NALCN: variants seen among roughly 807,000 people sequenced by gnomAD.
NALCN encodes sodium leak channel, non-selective, also known as sodium leak channel NALCN.
Under a neutral mutation model 225.3 loss-of-function variants are expected in NALCN, and 111 were observed. The ratio of observed to expected loss-of-function variants is 0.49; its 90% CI spans 0.42 to 0.58. The LOEUF (loss-of-function observed/expected upper bound fraction) is 0.58, where lower values mean the gene tolerates loss of function less well. Among genes scored for constraint, NALCN ranks in the 20% least tolerant of loss-of-function variants. The pLI is 0.00. For missense variants in NALCN, 1,378 were observed against 2,202.4 expected (o/e 0.63, Z 7.49); for synonymous variants, 764 against 769.0 (o/e 0.99, Z 0.11).
At chr13:101,307,421 T>TA (rs2044189622) in intron 7 of NALCN, among the ~76,000 whole-genome samples, 1 of 152,182 alleles carries the variant, frequency 6.6e-6, no homozygotes, top group African/African-American at 2.4e-5. Flanking sequence ...TTATCACTCT[T>TA]ACATTAAAAA....
intron 30 of NALCN, among the ~76,000 whole-genome samples, chr13:101,086,665 T>A (rs2033947525): frequency 2.0e-5 from 3 of 152,100 alleles, no homozygotes; most frequent in Admixed American, 1.3e-4. Flanking sequence ...TCATATTTCC[T>A]TTTATTCTAC....
At chr13:101,297,507 G>A (rs527567121) in intron 7 of NALCN, among the ~76,000 whole-genome samples, 112 of 152,244 alleles carry the variant, frequency 7.4e-4, no homozygotes, top group African/African-American at 2.2e-3. Context: ...AACCCCTCCA[G>A]GGATATGGAA....
chr13:101,179,168 G>A (rs1465900753), intron 14 of NALCN, among the ~76,000 whole-genome samples: 1 of 152,188 alleles, frequency 6.6e-6, no homozygotes, highest in African/African-American at 2.4e-5. Context: ...ACATAGAAGA[G>A]AGCACTGTGC....
intron 14 of NALCN, among the ~76,000 whole-genome samples, chr13:101,188,978 G>A (rs560223731): frequency 2.0e-5 from 3 of 152,186 alleles, no homozygotes; most frequent in Admixed American, 6.5e-5. Flanking sequence ...GTGAGCCACC[G>A]TGCTGGCCAT....
At chr13:101,273,381 A>G (rs557477376) in intron 10 of NALCN, among the ~76,000 whole-genome samples, 15 of 152,222 alleles carry the variant, frequency 9.9e-5, no homozygotes, top group Non-Finnish European at 1.8e-4. Context: ...AAAAGAGTCA[A>G]TTATAACTTT....
intron 7 of NALCN, among the ~76,000 whole-genome samples, chr13:101,310,284 G>C (rs1279714774): frequency 6.6e-6 from 1 of 152,118 alleles, no homozygotes; most frequent in Non-Finnish European, 1.5e-5. Context: ...GCCCTGGAAG[G>C]CTCTACGTGA....
intron 27 of NALCN, among the ~76,000 whole-genome samples, chr13:101,098,090 C>T (rs1430043417): frequency 5.9e-5 from 9 of 152,062 alleles, no homozygotes; most frequent in African/African-American, 1.9e-4. Flanking sequence ...ACACTGTGAC[C>T]CTTCTTTGTA....
chr13:101,200,671 G>T (rs1367545322), intron 13 of NALCN, among the ~76,000 whole-genome samples: 1 of 152,066 alleles, frequency 6.6e-6, no homozygotes, highest in Admixed American at 6.6e-5. Context: ...TAGGGTCATG[G>T]CAGAGCCAGA....
At chr13:101,266,839 G>A (rs1462378635) in intron 10 of NALCN, among the ~76,000 whole-genome samples, 1 of 152,112 alleles carries the variant, frequency 6.6e-6, no homozygotes, top group African/African-American at 2.4e-5. Flanking sequence ...TTATTTAGAA[G>A]ACATCTGGAT....
At chr13:101,367,085 A>T (rs912465342) in intron 6 of NALCN, among the ~76,000 whole-genome samples, 16 of 151,924 alleles carry the variant, frequency 1.1e-4, no homozygotes, top group Non-Finnish European at 2.1e-4. Context: ...CTCTAGATTC[A>T]TTCCTGTTAT....
At chr13:101,164,307 G>A (rs1159062220) in intron 15 of NALCN, among the ~76,000 whole-genome samples, 1 of 151,906 alleles carries the variant, frequency 6.6e-6, no homozygotes, top group East Asian at 1.9e-4. Flanking sequence ...TTGGGGGGTT[G>A]GGGGGACAGG....
intron 4 of NALCN, 43 bp downstream of exon 4, chr13:101,378,527 T>C (rs768517664): frequency 8.8e-6 from 13 of 1,484,020 alleles, no homozygotes; most frequent in Middle Eastern, 1.8e-4. Flanking sequence ...ATAATTCCCA[T>C]TTTGGAGAAT....
intron 7 of NALCN, among the ~76,000 whole-genome samples, chr13:101,336,327 A>T (rs764251585): frequency 6.6e-6 from 1 of 152,202 alleles, no homozygotes; most frequent in Non-Finnish European, 1.5e-5. Flanking sequence ...AAGAAGAAAA[A>T]TACCACAAAA....
chr13:101,315,637 T>C (rs1453180872), intron 7 of NALCN, among the ~76,000 whole-genome samples: 1 of 152,166 alleles, frequency 6.6e-6, no homozygotes, highest in Non-Finnish European at 1.5e-5. Context: ...ATATAATCTC[T>C]CAAGAAAAGT....
At chr13:101,306,866 T>C (rs1417956751) in intron 7 of NALCN, among the ~76,000 whole-genome samples, 2 of 152,176 alleles carry the variant, frequency 1.3e-5, no homozygotes, top group African/African-American at 2.4e-5. Flanking sequence ...TCAGGCTTTC[T>C]TTGTGTGGAG....
chr13:101,059,991 C>T (rs766993019), intron 41 of NALCN, 24 bp from the exon 42 acceptor site: 19 of 1,612,212 alleles, frequency 1.2e-5, no homozygotes, highest in Middle Eastern at 1.7e-4. Flanking sequence ...ATTGTTTGTT[C>T]AGTAAAATAA....
At chr13:101,256,013 C>T (rs2042217593) in intron 11 of NALCN, among the ~76,000 whole-genome samples, 1 of 152,186 alleles carries the variant, frequency 6.6e-6, no homozygotes. Context: ...CCACTCTTCT[C>T]TCCAAGAACT....
chr13:101,110,763 C>T (rs553584947), intron 19 of NALCN, 75 bp from the exon 20 acceptor site: 1 of 1,436,100 alleles, frequency 7.0e-7, no homozygotes, highest in Non-Finnish European at 9.8e-7. Flanking sequence ...ATGATAAAAT[C>T]AAAATAAAAC....
chr13:101,307,960 G>A (rs910195756), intron 7 of NALCN, among the ~76,000 whole-genome samples: 2 of 152,190 alleles, frequency 1.3e-5, no homozygotes, highest in African/African-American at 4.8e-5. Flanking sequence ...CTCTGGTTTA[G>A]CTTTTGGGTG....
Sources: gnomAD v4.1 joint callset for allele counts (sites outside exome capture counted in the v4.1 genomes callset) on GRCh38, gnomAD v4.1.1 for gene constraint, MANE v1.5 for transcripts, NCBI Gene and HGNC (gene_info 2026-07-23, HGNC 2026-07-21) for gene names.